The following HECW1 variants were observed in gnomAD, a reference collection of about 807,000 sequenced individuals.
HECW1 encodes E3 ubiquitin-protein ligase HECW1.
Under a neutral mutation model 182.3 loss-of-function variants are expected in HECW1, and 61 were observed. The observed-to-expected ratio is 0.33, with a 90% confidence interval of 0.27 to 0.41. HECW1 has a LOEUF of 0.41. HECW1 is among the 10% of genes least tolerant of loss of function. The pLI is 1.00. For missense variants in HECW1, 1,739 were observed against 2,108.9 expected (o/e 0.82, Z 3.44); for synonymous variants, 859 against 832.6 (o/e 1.03, Z -0.55).
intron 5 of HECW1, among the ~76,000 whole-genome samples, chr7:43,347,003 G>C (rs1442542318): frequency 3.9e-5 from 6 of 152,098 alleles, no homozygotes; most frequent in African/African-American, 1.4e-4. Flanking sequence ...ATGAATTTTA[G>C]AATTGTGTCT....
rs548136953 is a variant in HECW1, at chr7:43,162,204, TTAG to T, written c.-32+47815_-32+47817del. Among the ~76,000 whole-genome samples, 121 of 152,372 alleles carry T rather than the reference TTAG, an allele frequency of 7.9e-4. 1 individual carries two copies. The highest frequency in any genetic ancestry group is 2.8e-3 in the African/African-American group (115 of 41,594). ...CAAGATGATATTTAGAACTTACTTG[TTAG>T]TGGATCAGTTTCCTTGGGCTGCCGT... is the stretch of plus-strand genomic sequence containing the variant. On this transcript the variant is annotated intron_variant, in intron 2 of 29. Coordinates refer to ENST00000395891, the MANE Select transcript of HECW1 (RefSeq NM_015052.5).
chr7:43,336,141 TCTTTCTCTCTCTCTC>T (rs1812206920), intron 5 of HECW1, among the ~76,000 whole-genome samples: 1 of 64,580 alleles, frequency 1.5e-5, no homozygotes. Context: ...TCTCTCTCTC[TCTTTCTCTCTCTCTC>T]TCTCTCTCTC....
intron 3 of HECW1, among the ~76,000 whole-genome samples, chr7:43,271,309 A>G (rs1439502650): frequency 6.6e-6 from 1 of 152,200 alleles, no homozygotes; most frequent in Non-Finnish European, 1.5e-5. Flanking sequence ...GGAACAAGAA[A>G]AGGATACAAC....
At chr7:43,477,403 T>C (rs1385794365) in intron 16 of HECW1, among the ~76,000 whole-genome samples, 1 of 152,218 alleles carries the variant, frequency 6.6e-6, no homozygotes, top group Non-Finnish European at 1.5e-5. Context: ...TCAGCATGTA[T>C]TTGAATAATG....
Position 43,235,917 on chromosome 7 carries a change from G to A in HECW1, c.-31-7958G>A, listed in dbSNP as rs536151112. Among the ~76,000 whole-genome samples the A allele has an allele frequency of 3.3e-5, 5 of 152,298 alleles. No individual in the cohort carries two copies. The East Asian group carries it at 7.7e-4, about 23-fold the overall frequency. On this transcript the variant is annotated intron_variant, in intron 2 of 29. Coordinates refer to ENST00000395891, the MANE Select transcript of HECW1 (RefSeq NM_015052.5). ...CAAAAATTAATGAAGTGCCGGGCAC[G>A]GTGGTTCACACCAGTAATCCCAGCA...
chr7:43,225,993 G>A (rs909101680), intron 2 of HECW1, among the ~76,000 whole-genome samples: 4 of 151,862 alleles, frequency 2.6e-5, no homozygotes, highest in South Asian at 4.2e-4. Context: ...GGCTGGTCTC[G>A]ATCTCCTGGA....
At chr7:43,311,402 C>T (rs768782264) in intron 3 of HECW1, among the ~76,000 whole-genome samples, 3 of 152,116 alleles carry the variant, frequency 2.0e-5, no homozygotes, top group East Asian at 1.9e-4. Flanking sequence ...ATCTAATTGA[C>T]GTTGGAGAAC....
At chr7:43,328,447 G>C (rs770431995) in intron 5 of HECW1, among the ~76,000 whole-genome samples, 1 of 152,210 alleles carries the variant, frequency 6.6e-6, no homozygotes. Flanking sequence ...GAGGGGCTGC[G>C]GTTGCTGCTG....
chr7:43,328,843 T>C (rs973326011), intron 5 of HECW1, among the ~76,000 whole-genome samples: 3 of 152,198 alleles, frequency 2.0e-5, no homozygotes, highest in East Asian at 1.9e-4. Context: ...GTCAAGGCCC[T>C]ATTAACCCAA....
chr7:43,434,675 T>C (rs1026273816), intron 8 of HECW1, among the ~76,000 whole-genome samples: 3 of 152,114 alleles, frequency 2.0e-5, no homozygotes, highest in Non-Finnish European at 4.4e-5. Flanking sequence ...CCAGTAACCA[T>C]GGCATGGAGA....
chr7:43,230,747 C>G lies in HECW1; in HGVS notation c.-31-13128C>G, dbSNP rs1797810330. On this transcript the variant is annotated intron_variant, in intron 2 of 29. Transcript: ENST00000395891. The stretch of plus-strand genomic sequence containing the variant: ...ATGTATACGTATATAAATTATATGT[C>G]TCTCACATACAGAGAGACAGAAAAA... 2.0e-5 allele frequency among the ~76,000 whole-genome samples: 3 copies of G among 152,210 alleles called. No homozygotes were observed. In the South Asian group the frequency reaches 6.2e-4, roughly 32 times the overall value.
Position 43,445,140 on chromosome 7 carries a change from C to A in HECW1, c.1968C>A (p.Ser656Arg). 6.2e-7 allele frequency: 1 copy of A among 1,609,870 alleles called. No individual in the cohort carries two copies. Among genetic ancestry groups the A allele is most frequent in the South Asian group, 1.1e-5 (1 of 90,904 alleles). ...QDGDTHPSTGSESDSSPRQGG... is the reference protein window; with the variant it reads ...QDGDTHPSTGRESDSSPRQGG... ...GCGACACGCACCCCAGCACCGGGAG[C>A]GAGAGCGACTCCAGCCCCAGGCAAG... Residue 656 changes from serine (S) to arginine (R), a missense_variant, in exon 11 of 30, where the codon AGC becomes AGA. Physicochemically the swap from Ser to Arg is moderately radical, Grantham distance 110. Coordinates refer to ENST00000395891, the MANE Select transcript of HECW1 (RefSeq NM_015052.5).
At chr7:43,143,132 A>G (rs1012305109) in intron 2 of HECW1, among the ~76,000 whole-genome samples, 5 of 152,082 alleles carry the variant, frequency 3.3e-5, no homozygotes, top group African/African-American at 1.2e-4. Context: ...CACCACGCCC[A>G]GCTAATTTTT....
chr7:43,453,020 T>C (rs939569357), intron 12 of HECW1, among the ~76,000 whole-genome samples: 2 of 152,230 alleles, frequency 1.3e-5, no homozygotes, highest in Non-Finnish European at 2.9e-5. Context: ...GCCCAGATCA[T>C]GCAGGGCCTT....
intron 25 of HECW1, 55 bp downstream of exon 25, chr7:43,541,316 ACCGACCTCT>A: frequency 7.4e-7 from 1 of 1,342,822 alleles, no homozygotes. Context: ...GGGCAAGGAC[ACCGACCTCT>A]CTGGTGCCAC....
chr7:43,446,651 A>G (rs1304351425), intron 11 of HECW1, among the ~76,000 whole-genome samples: 1 of 152,194 alleles, frequency 6.6e-6, no homozygotes, highest in Non-Finnish European at 1.5e-5. Flanking sequence ...AGCTAAAGTG[A>G]GCATTAAAAA....
chr7:43,403,375 G>GCT (rs2075492462), intron 7 of HECW1, among the ~76,000 whole-genome samples: 1 of 152,134 alleles, frequency 6.6e-6, no homozygotes, highest in East Asian at 1.9e-4. Flanking sequence ...GGAAGGCTAT[G>GCT]GTATGGTAGA....
At chr7:43,236,201 C>A (rs1305054813) in intron 2 of HECW1, among the ~76,000 whole-genome samples, 4 of 151,994 alleles carry the variant, frequency 2.6e-5, no homozygotes, top group African/African-American at 9.7e-5. Flanking sequence ...GAGTAAAGTC[C>A]TGAAATAGAC....
chr7:43,207,013 G>A (rs547528449), intron 2 of HECW1, among the ~76,000 whole-genome samples: 1 of 152,134 alleles, frequency 6.6e-6, no homozygotes, highest in Admixed American at 6.5e-5. Context: ...TTTGTAAGAA[G>A]GTGCTTTTGC....
Sources: gnomAD v4.1 joint callset for allele counts (sites outside exome capture counted in the v4.1 genomes callset) on GRCh38, gnomAD v4.1.1 for gene constraint, MANE v1.5 for transcripts, NCBI Gene and HGNC (gene_info 2026-07-23, HGNC 2026-07-21) for gene names.